Variants in MMS22L observed in about 807,000 individuals in gnomAD.
The protein encoded by MMS22L is protein MMS22-like.
A neutral mutation model predicts 159.1 loss-of-function variants in MMS22L; 74 were observed. The ratio of observed to expected loss-of-function variants is 0.47; its 90% CI spans 0.39 to 0.56. MMS22L has a LOEUF of 0.56. Among genes scored for constraint, MMS22L ranks in the 20% least tolerant of loss-of-function variants. The pLI is 0.00. For synonymous variants in MMS22L, 517 were observed against 506.9 expected (o/e 1.02, Z -0.27); for missense variants, 1,351 against 1,422.1 (o/e 0.95, Z 0.80).
Position 97,168,199 on chromosome 6 carries a change from T to C in MMS22L, c.2881A>G (p.Lys961Glu). The change falls in exon 20 of 25, where the codon AAA (lysine) becomes GAA (glutamate). Residue 961 changes from lysine (K) to glutamate (E), a missense_variant. Lys to Glu is a moderately conservative substitution (Grantham distance 56, BLOSUM62 1). Coordinates refer to ENST00000683635, the MANE Select transcript of MMS22L (RefSeq NM_001350599.2). ...ATCCGGAATAGTAATTTTTGGGCTT[T>C]AGAAGTGGCAAAGATTTGTGCCCAT... ...KSWAQIFATS[K>E]AQKLLFRIID... 6.2e-7 allele frequency: 1 copy of C among 1,613,138 alleles called. No individual in the cohort carries two copies. Among genetic ancestry groups the C allele is most frequent in the South Asian group, 1.1e-5 (1 of 91,024 alleles).
At chr6:97,147,432 G>A (rs1237844359) in intron 24 of MMS22L, among the ~76,000 whole-genome samples, 2 of 152,120 alleles carry the variant, frequency 1.3e-5, no homozygotes, top group African/African-American at 4.8e-5. Flanking sequence ...ATTGTGCCTA[G>A]TAGTTATCTC....
In MMS22L at chr6:97,254,616, TCCA is replaced by T; in HGVS notation, c.1057_1059del (p.Trp353del). On this transcript the variant is annotated inframe_deletion, in exon 10 of 25. Transcript: ENST00000683635. Reference sequence around the variant, plus strand: ...TAAAATGATGCTACATGAGTAATAATCCACCAACTAAAACCTAATGGATCCCTG... The same window carrying T: ...TAAAATGATGCTACATGAGTAATAATCCAACTAAAACCTAATGGATCCCTG... 1 of 1,613,654 alleles carries T rather than the reference TCCA, an allele frequency of 6.2e-7. No individual in the cohort carries two copies. The highest frequency in any genetic ancestry group is 8.5e-7 in the Non-Finnish European group (1 of 1,179,776).
chr6:97,197,347 G>A (rs913003297), intron 14 of MMS22L, among the ~76,000 whole-genome samples: 5 of 152,136 alleles, frequency 3.3e-5, no homozygotes, highest in Non-Finnish European at 7.3e-5. Flanking sequence ...TGGGTACAAC[G>A]TAATGAACGA....
intron 4 of MMS22L, among the ~76,000 whole-genome samples, chr6:97,277,038 C>CA (rs1415668683): frequency 5.3e-5 from 8 of 152,038 alleles, no homozygotes; most frequent in African/African-American, 1.9e-4. Context: ...ATTAAGAAAA[C>CA]AAAAAATATA....
At chr6:97,194,639 T>C (rs1027004689) in intron 14 of MMS22L, among the ~76,000 whole-genome samples, 3 of 152,178 alleles carry the variant, frequency 2.0e-5, no homozygotes, top group Non-Finnish European at 4.4e-5. Flanking sequence ...ATAGACTAAG[T>C]AACAAGATCA....
At chr6:97,198,412 A>G (rs1201472034) in intron 14 of MMS22L, among the ~76,000 whole-genome samples, 3 of 152,182 alleles carry the variant, frequency 2.0e-5, no homozygotes, top group Non-Finnish European at 4.4e-5. Flanking sequence ...GGTAGAGCAG[A>G]TAAGAGCTGC....
intron 14 of MMS22L, among the ~76,000 whole-genome samples, chr6:97,190,658 T>C (rs1805774119): frequency 6.6e-6 from 1 of 152,168 alleles, no homozygotes; most frequent in Non-Finnish European, 1.5e-5. Flanking sequence ...CCCTATGAGG[T>C]AGGCATAATT....
chr6:97,185,851 A>G (rs1805169463), intron 15 of MMS22L, among the ~76,000 whole-genome samples: 1 of 152,092 alleles, frequency 6.6e-6, no homozygotes, highest in Non-Finnish European at 1.5e-5. Context: ...GTCTATTCCA[A>G]TACTTCTTAA....
At chr6:97,219,585 T>C (rs1809404281) in intron 14 of MMS22L, among the ~76,000 whole-genome samples, 1 of 152,204 alleles carries the variant, frequency 6.6e-6, no homozygotes, top group Non-Finnish European at 1.5e-5. Context: ...GGAAATCCTA[T>C]GAGGTGGATA....
At chr6:97,150,641 C>T (rs1159369742) in intron 23 of MMS22L, among the ~76,000 whole-genome samples, 1 of 152,142 alleles carries the variant, frequency 6.6e-6, no homozygotes. Flanking sequence ...ATCCTTTTCT[C>T]CCCTCCTAGG....
chr6:97,281,103 G>A, intron 3 of MMS22L, 134 bp downstream of exon 3: 1 of 784,112 alleles, frequency 1.3e-6, no homozygotes, highest in Non-Finnish European at 1.9e-6. Context: ...TATTGTTACT[G>A]GTAAGATAAT....
intron 22 of MMS22L, among the ~76,000 whole-genome samples, chr6:97,153,275 T>C (rs1801501673): frequency 6.6e-6 from 1 of 152,044 alleles, no homozygotes; most frequent in Non-Finnish European, 1.5e-5. Context: ...TTTACAATAT[T>C]TTCAATATCT....
chr6:97,225,198 G>C (rs1283735179), intron 14 of MMS22L, among the ~76,000 whole-genome samples: 1 of 152,084 alleles, frequency 6.6e-6, no homozygotes, highest in Non-Finnish European at 1.5e-5. Flanking sequence ...GTTCCAGTTA[G>C]GAGATTCAAG....
chr6:97,224,375 CTT>C (rs1219454361), intron 14 of MMS22L, among the ~76,000 whole-genome samples: 1 of 151,918 alleles, frequency 6.6e-6, no homozygotes, highest in African/African-American at 2.4e-5. Context: ...CCTGAAATAA[CTT>C]TGGCTTTAAT....
intron 14 of MMS22L, among the ~76,000 whole-genome samples, chr6:97,204,194 C>T (rs1445700454): frequency 6.6e-6 from 1 of 152,158 alleles, no homozygotes; most frequent in Non-Finnish European, 1.5e-5. Context: ...TCAAAGTGTT[C>T]CAAACTGACA....
intron 14 of MMS22L, among the ~76,000 whole-genome samples, chr6:97,199,343 T>C (rs967358915): frequency 2.0e-5 from 3 of 152,138 alleles, no homozygotes; most frequent in African/African-American, 7.2e-5. Context: ...GTTGACTGAT[T>C]ATTAACTACA....
Position 97,181,933 on chromosome 6 carries a change from T to C in MMS22L, c.2355A>G (p.Ala785=), listed in dbSNP as rs2128274739. 1 of 1,612,980 alleles carries C rather than the reference T, an allele frequency of 6.2e-7. No individual in the cohort carries two copies. Among genetic ancestry groups the C allele is most frequent in the Non-Finnish European group, 8.5e-7 (1 of 1,179,612 alleles). Residue 785 remains alanine (A), a synonymous_variant, in exon 16 of 25, where the codon GCA becomes GCG. Transcript: ENST00000683635. The part of the protein sequence containing the change: ...WDDIICPQVV[A]RYLSHVLQNS... ...TTTGTAGGACATGACTTAAATATCT[T>C]GCTACAACTTGAGGGCAGATGATAT... is the stretch of plus-strand genomic sequence containing the variant.
chr6:97,254,792 T>C, intron 9 of MMS22L, 59 bp from the exon 10 acceptor site: 1 of 1,395,352 alleles, frequency 7.2e-7, no homozygotes, highest in Non-Finnish European at 9.6e-7. Flanking sequence ...TTTGATTTCG[T>C]GGTTTTTCTC....
intron 18 of MMS22L, among the ~76,000 whole-genome samples, chr6:97,175,737 G>T (rs1804047931): frequency 6.6e-6 from 1 of 152,130 alleles, no homozygotes; most frequent in Non-Finnish European, 1.5e-5. Flanking sequence ...AAGCTCTCAA[G>T]ATCACGATGA....
Sources: gnomAD v4.1 joint callset for allele counts (sites outside exome capture counted in the v4.1 genomes callset) on GRCh38, gnomAD v4.1.1 for gene constraint, MANE v1.5 for transcripts, NCBI Gene and HGNC (gene_info 2026-07-23, HGNC 2026-07-21) for gene names.